The following SSX2IP variants were observed in gnomAD, a reference collection of about 807,000 sequenced individuals.
SSX2IP encodes afadin- and alpha-actinin-binding protein.
A neutral mutation model predicts 84.9 loss-of-function variants in SSX2IP; 55 were observed. That is an observed-to-expected ratio of 0.65 (90% CI 0.52 to 0.81). The LOEUF (loss-of-function observed/expected upper bound fraction) is 0.81, where lower values mean the gene tolerates loss of function less well. Ranked by LOEUF, SSX2IP falls within the 30% of genes least tolerant of loss-of-function variation. SSX2IP has a pLI of 0.00. For synonymous variants in SSX2IP, 239 were observed against 234.7 expected, an observed-to-expected ratio of 1.02 and a Z score of -0.17; for missense variants, 664 against 705.2, an observed-to-expected ratio of 0.94 and a Z score of 0.66.
Position 84,650,582 on chromosome 1 carries a change from T to C in SSX2IP, c.1505-55A>G, listed in dbSNP as rs140655791. ...AGTACATATGGTGAGGCATTAAATA[T>C]AGTGAAGGTAAATCATCAGGATGAT... is the stretch of plus-strand genomic sequence containing the variant. On this transcript the variant is annotated intron_variant, in intron 12 of 13. Transcript: ENST00000342203. 3.2e-4 allele frequency: 505 copies of C among 1,578,892 alleles called. 2 individuals carry two copies. The African/African-American group carries it at 5.9e-3, about 19-fold the overall frequency.
chr1:84,655,491 T>C (rs955654873), intron 11 of SSX2IP: 13 of 1,316,438 alleles, frequency 9.9e-6, no homozygotes, highest in Non-Finnish European at 1.3e-5. Context: ...ATAGTCTTGG[T>C]TGCACTGTCT....
intron 1 of SSX2IP, 136 bp downstream of exon 1, chr1:84,690,235 C>G (rs1326557937): frequency 6.6e-6 from 1 of 152,108 alleles, no homozygotes; most frequent in Non-Finnish European, 1.5e-5. Context: ...GCGGAGCCTC[C>G]CGCCGAACAA....
intron 1 of SSX2IP, among the ~76,000 whole-genome samples, chr1:84,684,814 A>G (rs1655562625): frequency 6.6e-6 from 1 of 152,222 alleles, no homozygotes; most frequent in Admixed American, 6.5e-5. Context: ...CATAATATAA[A>G]TTTCAGTATT....
At chr1:84,682,084 G>C (rs1655156545) in intron 1 of SSX2IP, among the ~76,000 whole-genome samples, 1 of 152,200 alleles carries the variant, frequency 6.6e-6, no homozygotes, top group Admixed American at 6.5e-5. Context: ...TACTAAGAAG[G>C]TGCATTTCCG....
At chr1:84,670,901 T>A in intron 2 of SSX2IP, 86 bp from the exon 3 acceptor site, 1 of 962,522 alleles carries the variant, frequency 1.0e-6, no homozygotes, top group Non-Finnish European at 1.5e-6. Context: ...GACTTTGAAT[T>A]ACATATATAC....
chr1:84,656,073 G>C, intron 10 of SSX2IP, 68 bp from the exon 11 acceptor site: 2 of 1,371,190 alleles, frequency 1.5e-6, no homozygotes, highest in Non-Finnish European at 2.0e-6. Context: ...TGAAATGAAA[G>C]CAAGGGAAGG....
rs1364635467 is a variant in SSX2IP, at chr1:84,671,093, T to C, written c.43+84A>G. The C allele has an allele frequency of 6.8e-6, 10 of 1,477,916 alleles. No individual in the cohort carries two copies. In the East Asian group the frequency reaches 1.2e-4, roughly 18 times the overall value. The allele number at this position is 1,477,916 out of a possible 1,614,324, so 91.6% of individuals were successfully genotyped here. A position where few individuals can be genotyped will look rare whatever the true frequency, so the allele number is the denominator to read the frequency against. On this transcript the variant is annotated intron_variant, in intron 2 of 13. Transcript: ENST00000342203. ...TCTCTCTTTAGTCACATCTTCAACA[T>C]CTGCAGTAATTATTTTATATTTTCA...
chr1:84,650,638 G>A (rs1334289183), intron 12 of SSX2IP, 111 bp from the exon 13 acceptor site: 10 of 1,119,694 alleles, frequency 8.9e-6, no homozygotes, highest in South Asian at 1.4e-5. Flanking sequence ...GGAAAGAGAT[G>A]GAACAAATTC....
At chr1:84,652,340 T>C (rs1340752686) in intron 11 of SSX2IP, 1 of 176,810 alleles carries the variant, frequency 5.7e-6, no homozygotes, top group Non-Finnish European at 1.1e-5. Context: ...GGAGGATGGC[T>C]AGAGGCTGGG....
chr1:84,671,386 G>C, intron 1 of SSX2IP, 78 bp from the exon 2 acceptor site: 1 of 1,252,680 alleles, frequency 8.0e-7, no homozygotes, highest in Non-Finnish European at 1.0e-6. Context: ...TTAAGAATTA[G>C]TTGTATGTGC....
intron 1 of SSX2IP, among the ~76,000 whole-genome samples, chr1:84,673,226 G>A (rs1012402942): frequency 1.3e-5 from 2 of 152,100 alleles, no homozygotes; most frequent in Non-Finnish European, 2.9e-5. Flanking sequence ...TAATATGAGA[G>A]AGTATTAAGG....
At chr1:84,658,170 TA>T in intron 9 of SSX2IP, 147 bp downstream of exon 9, 1 of 758,700 alleles carries the variant, frequency 1.3e-6, no homozygotes, top group Non-Finnish European at 2.0e-6. Flanking sequence ...AATGAAAAAA[TA>T]AATGTATGCA....
chr1:84,659,652 G>A (rs1651635960), intron 8 of SSX2IP, among the ~76,000 whole-genome samples: 1 of 151,858 alleles, frequency 6.6e-6, no homozygotes, highest in South Asian at 2.1e-4. Flanking sequence ...ACAAAAATTA[G>A]TTGGGCGTGG....
rs144813408 is a variant in SSX2IP at position 84,663,208 on chromosome 1, G to A, written c.674-678C>T. The stretch of plus-strand genomic sequence containing the variant: ...ACATGGAAACATTTGGCGTAAAAAG[G>A]AAAAAGAGTAAATTATTATAATCTT... On this transcript the variant is annotated intron_variant, in intron 6 of 13. Transcript: ENST00000342203. Among the ~76,000 whole-genome samples the A allele has an allele frequency of 1.8e-3, 280 of 152,106 alleles. 2 individuals carry two copies. The highest frequency in any genetic ancestry group is 6.4e-3 in the African/African-American group (266 of 41,514).
intron 11 of SSX2IP, among the ~76,000 whole-genome samples, chr1:84,653,665 C>T (rs1282872058): frequency 2.0e-5 from 3 of 152,304 alleles, no homozygotes; most frequent in African/African-American, 7.2e-5. Flanking sequence ...AACAGACGTT[C>T]ACACTGTGAA....
At chr1:84,676,815 C>T (rs564474267) in intron 1 of SSX2IP, among the ~76,000 whole-genome samples, 5 of 150,588 alleles carry the variant, frequency 3.3e-5, no homozygotes, top group Admixed American at 6.7e-5. Flanking sequence ...CTCAGCCTCC[C>T]GGGTTCAAGC....
chr1:84,651,526 A>G (rs1006291634), intron 12 of SSX2IP, among the ~76,000 whole-genome samples: 1 of 151,974 alleles, frequency 6.6e-6, no homozygotes, highest in Non-Finnish European at 1.5e-5. Context: ...TCAGGAGTTC[A>G]AGAACAGCCT....
chr1:84,681,561 GC>G (rs764814871), intron 1 of SSX2IP, among the ~76,000 whole-genome samples: 5 of 152,158 alleles, frequency 3.3e-5, no homozygotes, highest in African/African-American at 1.2e-4. Flanking sequence ...GAAGAGCAGG[GC>G]TTTCACCTCT....
chr1:84,685,388 C>G (rs934701446), intron 1 of SSX2IP, among the ~76,000 whole-genome samples: 2 of 152,204 alleles, frequency 1.3e-5, no homozygotes, highest in Admixed American at 6.5e-5. Flanking sequence ...CCTGTACTAG[C>G]TAATTATGTG....
Sources: allele counts gnomAD v4.1 joint callset (sites outside exome capture counted in the v4.1 genomes callset), GRCh38; gene constraint gnomAD v4.1.1; transcripts MANE v1.5; gene names NCBI Gene and HGNC (gene_info 2026-07-23, HGNC 2026-07-21).